Variants in GPR176 observed in about 807,000 individuals in gnomAD.
The protein encoded by GPR176 is G protein-coupled receptor 176.
Under a neutral mutation model 35.4 loss-of-function variants are expected in GPR176, and 26 were observed. The ratio of observed to expected loss-of-function variants is 0.74; its 90% CI spans 0.54 to 1.02. The LOEUF (loss-of-function observed/expected upper bound fraction) is 1.02, where lower values mean the gene tolerates loss of function less well. Among genes scored for constraint, GPR176 ranks in the 50% least tolerant of loss-of-function variants. The pLI is 0.00. For synonymous variants in GPR176, 278 were observed against 271.3 expected, an observed-to-expected ratio of 1.02 and a Z score of -0.24; for missense variants, 597 against 665.3, an observed-to-expected ratio of 0.90 and a Z score of 1.13.
chr15:39,826,323 C>T (rs1224935902), intron 1 of GPR176, among the ~76,000 whole-genome samples: 1 of 152,154 alleles, frequency 6.6e-6, no homozygotes, highest in Middle Eastern at 3.2e-3. Flanking sequence ...TCTAGAAAAA[C>T]CCATTCACAA....
chr15:39,808,712 T>C (rs997871802), intron 1 of GPR176, among the ~76,000 whole-genome samples: 5 of 152,188 alleles, frequency 3.3e-5, no homozygotes, highest in East Asian at 1.9e-4. Context: ...GAGTAGGCAT[T>C]TGATAAATAT....
At chr15:39,865,964 G>T (rs78911242) in intron 1 of GPR176, among the ~76,000 whole-genome samples, 2 of 151,974 alleles carry the variant, frequency 1.3e-5, no homozygotes, top group Non-Finnish European at 2.9e-5. Context: ...TCCACCAAGA[G>T]GGAACCAGTT....
At chr15:39,917,454 G>A (rs2033756084) in intron 1 of GPR176, among the ~76,000 whole-genome samples, 1 of 148,382 alleles carries the variant, frequency 6.7e-6, no homozygotes, top group African/African-American at 2.5e-5. Flanking sequence ...TCCTGCCTCA[G>A]CCTCCCGAGT....
At chr15:39,857,706 T>C (rs371866350) in intron 1 of GPR176, among the ~76,000 whole-genome samples, 24 of 151,612 alleles carry the variant, frequency 1.6e-4, no homozygotes, top group African/African-American at 5.3e-4. Context: ...CGGTGGCTTG[T>C]GCCTGTAATC....
At chr15:39,847,218 A>G (rs1481478536) in intron 1 of GPR176, among the ~76,000 whole-genome samples, 2 of 149,288 alleles carry the variant, frequency 1.3e-5, no homozygotes, top group African/African-American at 4.9e-5. Flanking sequence ...ATAAATAAAA[A>G]GCTGAGAGAA....
rs977827800 is a variant in GPR176 at position 39,801,561 on chromosome 15, G to A, written c.1119C>T (p.Phe373=). ...IRSGSQLLEM[F]HIGQQQIFKP... is the part of the protein sequence containing the mutation. ...TAAAGATCTGCTGCTGCCCAATGTG[G>A]AACATCTCCAGGAGCTGGCTACCCG... Residue 373 remains phenylalanine (F), a synonymous_variant, in exon 3 of 3, where the codon TTC becomes TTT. Transcript: ENST00000561100. 11 of 1,614,000 alleles carry A rather than the reference G, an allele frequency of 6.8e-6. No individual in the cohort carries two copies. In the African/African-American group the frequency reaches 1.3e-4, roughly 20 times the overall value.
chr15:39,888,259 T>G (rs201101659), intron 1 of GPR176, among the ~76,000 whole-genome samples: 1 of 148,082 alleles, frequency 6.8e-6, no homozygotes, highest in East Asian at 2.0e-4. Context: ...TTTTGGGGGG[T>G]GAAGGGAATC....
At chr15:39,912,462 A>T (rs2033603486) in intron 1 of GPR176, among the ~76,000 whole-genome samples, 1 of 151,864 alleles carries the variant, frequency 6.6e-6, no homozygotes, top group South Asian at 2.1e-4. Flanking sequence ...ACCAAGAAAA[A>T]AAAAAAATTA....
chr15:39,915,211 G>T (rs1476542843), intron 1 of GPR176, among the ~76,000 whole-genome samples: 1 of 152,164 alleles, frequency 6.6e-6, no homozygotes, highest in Non-Finnish European at 1.5e-5. Context: ...TAGAGGTTAG[G>T]AAGTCTGAGA....
intron 1 of GPR176, among the ~76,000 whole-genome samples, chr15:39,867,075 C>T (rs1042829739): frequency 6.6e-6 from 1 of 152,094 alleles, no homozygotes; most frequent in Non-Finnish European, 1.5e-5. Context: ...ATGAGGAGTC[C>T]AGAATCCAAG....
At chr15:39,894,364 C>A (rs987230009) in intron 1 of GPR176, 1 of 151,130 alleles carries the variant, frequency 6.6e-6, no homozygotes, top group Non-Finnish European at 1.5e-5. Flanking sequence ...GGGGGCTGAC[C>A]CCCCCACCTC....
intron 1 of GPR176, among the ~76,000 whole-genome samples, chr15:39,885,656 T>C (rs1274609102): frequency 6.6e-6 from 1 of 152,256 alleles, no homozygotes; most frequent in Non-Finnish European, 1.5e-5. Flanking sequence ...AATTTTGTAA[T>C]CACACAATGT....
At chr15:39,805,599 C>A (rs979304187) in intron 2 of GPR176, among the ~76,000 whole-genome samples, 2 of 152,152 alleles carry the variant, frequency 1.3e-5, no homozygotes, top group African/African-American at 4.8e-5. Context: ...GCCACAATTG[C>A]AACCTGGTTA....
chr15:39,841,959 G>T (rs192710997), intron 1 of GPR176, among the ~76,000 whole-genome samples: 1 of 151,888 alleles, frequency 6.6e-6, no homozygotes, highest in Non-Finnish European at 1.5e-5. Flanking sequence ...CTCTCAGTAG[G>T]GATCCCAGTT....
At chr15:39,816,073 T>C (rs1463102163) in intron 1 of GPR176, among the ~76,000 whole-genome samples, 1 of 152,110 alleles carries the variant, frequency 6.6e-6, no homozygotes, top group East Asian at 1.9e-4. Context: ...CATGATCACA[T>C]TTACAGGTGG....
At chr15:39,835,566 T>C (rs910621063) in intron 1 of GPR176, among the ~76,000 whole-genome samples, 2 of 152,082 alleles carry the variant, frequency 1.3e-5, no homozygotes, top group Non-Finnish European at 2.9e-5. Context: ...CCATCCCGAA[T>C]ACTGGGCCCC....
At chr15:39,807,342 T>TA in intron 1 of GPR176, 84 bp from the exon 2 acceptor site, 1 of 938,622 alleles carries the variant, frequency 1.1e-6, no homozygotes, top group Non-Finnish European at 1.5e-6. Context: ...TTAAAAAATG[T>TA]AAAAAACACA....
intron 1 of GPR176, among the ~76,000 whole-genome samples, chr15:39,828,879 G>A (rs553880953): frequency 1.4e-4 from 22 of 152,250 alleles, no homozygotes; most frequent in African/African-American, 4.6e-4. Context: ...TATGTGGAAC[G>A]GTATGTCCAT....
intron 1 of GPR176, among the ~76,000 whole-genome samples, chr15:39,847,742 C>CAAAAAAAA (rs34896644): frequency 2.9e-5 from 2 of 68,818 alleles, no homozygotes; most frequent in African/African-American, 6.2e-5. Flanking sequence ...GACTCTGTCT[C>CAAAAAAAA]AAAAAAAAAA....
Sources: allele counts gnomAD v4.1 joint callset (sites outside exome capture counted in the v4.1 genomes callset), GRCh38; gene constraint gnomAD v4.1.1; transcripts MANE v1.5; gene names NCBI Gene and HGNC (gene_info 2026-07-23, HGNC 2026-07-21).